Variants in PPME1 observed in about 807,000 individuals in gnomAD.
PPME1 encodes the protein testicular secretory protein Li 39.
In PPME1, 17 loss-of-function variants were observed where a neutral mutation model predicts 56.9. The ratio of observed to expected loss-of-function variants is 0.30; its 90% CI spans 0.20 to 0.45. The LOEUF (loss-of-function observed/expected upper bound fraction) is 0.45, where lower values mean the gene tolerates loss of function less well. Among genes scored for constraint, PPME1 ranks in the 20% least tolerant of loss-of-function variants. The pLI, the probability that PPME1 is intolerant of heterozygous loss-of-function variation, is 1.00. For missense variants in PPME1, 357 were observed against 483.2 expected, an observed-to-expected ratio of 0.74 and a Z score of 2.45; for synonymous variants, 122 against 156.2, an observed-to-expected ratio of 0.78 and a Z score of 1.63.
intron 3 of PPME1, chr11:74,205,444 A>G (rs1240412702): frequency 6.6e-6 from 1 of 152,220 alleles, no homozygotes; most frequent in Non-Finnish European, 1.5e-5. Context: ...TCAAGCAGAT[A>G]TGCATCCTCT....
intron 1 of PPME1, among the ~76,000 whole-genome samples, chr11:74,185,735 A>T (rs1171591857): frequency 6.6e-6 from 1 of 152,036 alleles, no homozygotes; most frequent in Non-Finnish European, 1.5e-5. Context: ...AGGTGGAAAT[A>T]AAATTTAGAA....
At chr11:74,194,981 A>G (rs1857942833) in intron 1 of PPME1, among the ~76,000 whole-genome samples, 1 of 152,222 alleles carries the variant, frequency 6.6e-6, no homozygotes, top group Non-Finnish European at 1.5e-5. Context: ...TTTGGAGCAG[A>G]TGAATGGAGG....
At chr11:74,183,695 C>A (rs904050141) in intron 1 of PPME1, among the ~76,000 whole-genome samples, 2 of 151,978 alleles carry the variant, frequency 1.3e-5, no homozygotes, top group Non-Finnish European at 2.9e-5. Flanking sequence ...CTTACAAATT[C>A]TTTTTCTTAG....
Position 74,181,436 on chromosome 11 carries a change from C to A in PPME1, c.101+9914C>A, listed in dbSNP as rs1450880255. ...TCATTTGCTCTCTCTTCTCTGAGCA[C>A]CTATAACAATTTTGGCATCTCCACT... On this transcript the variant is annotated intron_variant, in intron 1 of 13. Transcript: ENST00000328257. 3.3e-5 allele frequency among the ~76,000 whole-genome samples: 5 copies of A among 152,206 alleles called. No individual in the cohort carries two copies. In the East Asian group the frequency reaches 9.6e-4, roughly 29 times the overall value.
rs377710798 is a variant in PPME1 at position 74,230,200 on chromosome 11, T to C, written c.399-45T>C. 2.6e-6 allele frequency: 4 copies of C among 1,563,454 alleles called. No individual in the cohort carries two copies. The highest frequency in any genetic ancestry group is 3.5e-6 in the Non-Finnish European group (4 of 1,156,486). On this transcript the variant is annotated intron_variant, in intron 5 of 13. Coordinates refer to ENST00000328257, the MANE Select transcript of PPME1 (RefSeq NM_016147.3). The surrounding 1 kb of genome is among the most constrained non-coding windows in gnomAD (Gnocchi z 4.9). ...CTGGGAAAGAAAACCATTTTTACAGTGTTGTCAGAAAGCATTCTTAGATCT... is the reference window on the plus strand; with the variant it reads ...CTGGGAAAGAAAACCATTTTTACAGCGTTGTCAGAAAGCATTCTTAGATCT...
At chr11:74,172,603 G>A (rs1857292988) in intron 1 of PPME1, among the ~76,000 whole-genome samples, 1 of 152,214 alleles carries the variant, frequency 6.6e-6, no homozygotes, top group African/African-American at 2.4e-5. Flanking sequence ...CTTGTGCCAG[G>A]TTAGGGGATA....
At chr11:74,208,783 T>C (rs1446870176) in intron 3 of PPME1, among the ~76,000 whole-genome samples, 3 of 152,200 alleles carry the variant, frequency 2.0e-5, no homozygotes, top group African/African-American at 2.4e-5. Context: ...AAGGAAAGTT[T>C]CATAAGAGAG....
At position 74,171,302 on chromosome 11, in the gene PPME1, G is replaced by T; in HGVS notation, c.-120G>T. On this transcript the variant is annotated 5_prime_UTR_variant, in exon 1 of 14. Transcript: ENST00000328257. ...GCGGTAGGCGGTGCTACGGGTAGCT[G>T]GGTGCTGTCCAAAGGCGACAGGGCG... 6.6e-7 allele frequency: 1 copy of T among 1,508,916 alleles called. No individual in the cohort carries two copies. Among genetic ancestry groups the T allele is most frequent in the South Asian group, 1.3e-5 (1 of 78,438 alleles). The allele number at this position is 1,508,916 out of a possible 1,614,324, so 93.5% of individuals were successfully genotyped here.
At chr11:74,209,994 C>T (rs1162670996) in intron 3 of PPME1, among the ~76,000 whole-genome samples, 3 of 152,046 alleles carry the variant, frequency 2.0e-5, no homozygotes, top group Non-Finnish European at 2.9e-5. Flanking sequence ...CCCAGGAGTT[C>T]GAGGTTGTAG....
chr11:74,239,033 A>T, intron 8 of PPME1, 100 bp from the exon 9 acceptor site: 1 of 1,186,240 alleles, frequency 8.4e-7, no homozygotes, highest in South Asian at 1.6e-5. Flanking sequence ...GTTAAGTTTT[A>T]GCTAACATTT....
At chr11:74,220,792 G>T (rs1321580981) in intron 3 of PPME1, among the ~76,000 whole-genome samples, 2 of 152,154 alleles carry the variant, frequency 1.3e-5, no homozygotes, top group Admixed American at 6.5e-5. Flanking sequence ...TTCTTAAATA[G>T]CTGCTTTCCA....
chr11:74,252,656 GCTTTTACCCACCTGA>G (rs1250534279), intron 13 of PPME1: 2 of 395,686 alleles, frequency 5.1e-6, no homozygotes, highest in Admixed American at 5.2e-5. Flanking sequence ...AGTATCCCTG[GCTTTTACCCACCTGA>G]TAACAGTAGT....
chr11:74,196,278 C>CT (rs1423599637), intron 1 of PPME1, among the ~76,000 whole-genome samples: 13 of 152,264 alleles, frequency 8.5e-5, no homozygotes, highest in African/African-American at 3.1e-4. Flanking sequence ...AGTCCTGTGT[C>CT]TTTTTTATCA....
intron 3 of PPME1, among the ~76,000 whole-genome samples, chr11:74,218,918 C>T (rs2135644153): frequency 6.6e-6 from 1 of 152,030 alleles, no homozygotes; most frequent in East Asian, 1.9e-4. Flanking sequence ...GGCTTCTGCA[C>T]AGCAAAGGAA....
At chr11:74,228,438 G>A (rs540554026) in intron 5 of PPME1, among the ~76,000 whole-genome samples, 5 of 152,160 alleles carry the variant, frequency 3.3e-5, no homozygotes, top group African/African-American at 1.2e-4. Flanking sequence ...TATGCCAAGG[G>A]GAGATGGCTT....
Position 74,225,246 on chromosome 11 carries a change from A to G in PPME1, c.388A>G (p.Thr130Ala). The G allele has an allele frequency of 6.4e-7, 1 of 1,569,020 alleles. No individual in the cohort carries two copies. Among genetic ancestry groups the G allele is most frequent in the Middle Eastern group, 1.7e-4 (1 of 5,972 alleles). ...GAATCCTGAAGATCTGTCTGCAGAA[A>G]CAATGGCAAAGTAAGTAACCAAATA... ...VKNPEDLSAE[T>A]MAKDVGNVVE... Residue 130 changes from threonine (T) to alanine (A), a missense_variant, in exon 5 of 14, where the codon ACA becomes GCA. By Grantham distance (58) the Thr-to-Ala change is moderately conservative (BLOSUM62 0). Around this residue, in one of 2 missense-constraint regions of PPME1, gnomAD observed 175 missense variants for 189.4 expected, o/e 0.92. Transcript: ENST00000328257.
intron 3 of PPME1, among the ~76,000 whole-genome samples, chr11:74,210,973 A>G (rs934616821): frequency 6.6e-6 from 1 of 152,246 alleles, no homozygotes; most frequent in African/African-American, 2.4e-5. Flanking sequence ...TTCTCTCTCT[A>G]CAAAATCAAC....
chr11:74,178,855 T>G (rs1348057096), intron 1 of PPME1, among the ~76,000 whole-genome samples: 2 of 152,200 alleles, frequency 1.3e-5, no homozygotes, highest in Non-Finnish European at 2.9e-5. Context: ...TGATGTCAGA[T>G]TTCAGAAAAC....
At chr11:74,234,356 T>C (rs543068790) in intron 7 of PPME1, among the ~76,000 whole-genome samples, 4 of 152,284 alleles carry the variant, frequency 2.6e-5, no homozygotes, top group Non-Finnish European at 5.9e-5. Context: ...AGTGAAAGAT[T>C]GAATGTAAAG....
Sources: allele counts gnomAD v4.1 joint callset (sites outside exome capture counted in the v4.1 genomes callset), GRCh38; gene constraint gnomAD v4.1.1; regional missense constraint gnomAD v4.1.1; non-coding constraint Gnocchi (gnomAD v3.1); transcripts MANE v1.5; gene names NCBI Gene and HGNC (gene_info 2026-07-23, HGNC 2026-07-21).